Variants in EXT1 observed in about 807,000 individuals in gnomAD.
The protein encoded by EXT1 is exostosin glycosyltransferase 1, also known as exostosin-1.
Under a neutral mutation model 82.5 loss-of-function variants are expected in EXT1, and 20 were observed. The observed-to-expected ratio is 0.24, with a 90% CI of 0.17 to 0.35. The LOEUF (loss-of-function observed/expected upper bound fraction) is 0.35, where lower values mean the gene tolerates loss of function less well. Ranked by LOEUF, EXT1 falls within the 10% of genes least tolerant of loss-of-function variation. The pLI is 1.00. For missense variants in EXT1, 757 were observed against 936.5 expected, an observed-to-expected ratio of 0.81 and a Z score of 2.50; for synonymous variants, 348 against 350.8, an observed-to-expected ratio of 0.99 and a Z score of 0.09.
intron 1 of EXT1, among the ~76,000 whole-genome samples, chr8:117,885,131 C>G (rs762817904): frequency 6.6e-6 from 1 of 152,138 alleles, no homozygotes; most frequent in African/African-American, 2.4e-5. Context: ...GTACAGCCTA[C>G]CTATCAATAT....
chr8:117,877,922 A>C (rs1474156463), intron 1 of EXT1, among the ~76,000 whole-genome samples: 1 of 152,220 alleles, frequency 6.6e-6, no homozygotes, highest in Admixed American at 6.5e-5. Flanking sequence ...CCTTGGTTAT[A>C]ATAAACTGAG....
chr8:118,075,744 G>A (rs1320219337), intron 1 of EXT1, among the ~76,000 whole-genome samples: 1 of 152,118 alleles, frequency 6.6e-6, no homozygotes, highest in Non-Finnish European at 1.5e-5. Context: ...GGAAGCTTAA[G>A]TCAAGGCAGA....
chr8:117,968,767 C>T (rs1814879728), intron 1 of EXT1, among the ~76,000 whole-genome samples: 1 of 74,694 alleles, frequency 1.3e-5, no homozygotes, highest in East Asian at 2.9e-4. Context: ...GACGGGGTTT[C>T]ACCAGGTTAG....
intron 1 of EXT1, among the ~76,000 whole-genome samples, chr8:117,922,607 TAGA>T (rs917688079): frequency 1.2e-4 from 19 of 152,264 alleles, no homozygotes; most frequent in African/African-American, 3.4e-4. Flanking sequence ...TCTCTCATTA[TAGA>T]AGGAGAACAA....
At chr8:117,833,155 G>A (rs898262766) in intron 3 of EXT1, among the ~76,000 whole-genome samples, 1 of 152,150 alleles carries the variant, frequency 6.6e-6, no homozygotes, top group Non-Finnish European at 1.5e-5. Context: ...ATAGTACACA[G>A]TTGCTGCTCA....
intron 5 of EXT1, among the ~76,000 whole-genome samples, chr8:117,821,722 C>T (rs527326742): frequency 2.0e-5 from 3 of 152,176 alleles, no homozygotes; most frequent in Non-Finnish European, 2.9e-5. Flanking sequence ...GCTGTATCAG[C>T]TTGGAAGATG....
chr8:117,868,053 T>C (rs1812804976), intron 1 of EXT1, among the ~76,000 whole-genome samples: 1 of 152,218 alleles, frequency 6.6e-6, no homozygotes. Context: ...CTTAACTTTA[T>C]ATTCCAGGCT....
At chr8:117,959,976 G>C (rs1814667242) in intron 1 of EXT1, among the ~76,000 whole-genome samples, 1 of 152,202 alleles carries the variant, frequency 6.6e-6, no homozygotes, top group Non-Finnish European at 1.5e-5. Context: ...CACTTTGGGA[G>C]GCCAAGGCAG....
In EXT1 at chr8:117,928,981, T is replaced by G. The variant is rs958651270; in HGVS notation, c.963-91780A>C. On this transcript the variant is annotated intron_variant, in intron 1 of 10. Transcript: ENST00000378204. ...AAAACAGAAATAATTGAGCCCAGGT[T>G]GATTAAATAGCTTCCCAGATAGTGG... Among the ~76,000 whole-genome samples the G allele has an allele frequency of 7.2e-5, 11 of 152,178 alleles. No homozygotes were observed. In the East Asian group the frequency reaches 2.1e-3, roughly 29 times the overall value.
Position 118,028,176 on chromosome 8 carries a change from G to A in EXT1, c.962+81909C>T, listed in dbSNP as rs187983667. ...AAACCTACAACACGGGACAGATGGCGAAAGTGCCCATGCCTGGACGTCTGC... is the reference window on the plus strand; with the variant it reads ...AAACCTACAACACGGGACAGATGGCAAAAGTGCCCATGCCTGGACGTCTGC... On this transcript the variant is annotated intron_variant, in intron 1 of 10. Transcript: ENST00000378204. Among the ~76,000 whole-genome samples the A allele has an allele frequency of 2.2e-4, 34 of 152,308 alleles. No individual in the cohort carries two copies. In the East Asian group the frequency reaches 6.2e-3, roughly 28 times the overall value.
rs2130041760 is a variant in EXT1, at chr8:118,110,254, C to A, written c.793G>T (p.Val265Leu). 1 of 1,614,162 alleles carries A rather than the reference C, an allele frequency of 6.2e-7. No individual in the cohort carries two copies. The stretch of plus-strand genomic sequence containing the variant: ...GTCAGGTACCTCTTCCCCTTGAATA[C>A]CAGCATGTACTTCCTGAGAGGAGGG... ...TIPPLRKYML[V>L]FKGKRYLTGI... is the part of the protein sequence containing the mutation. Residue 265 changes from valine (V) to leucine (L), a missense_variant, in exon 1 of 11, where the codon GTA (valine) becomes TTA (leucine). Physicochemically the swap from Val to Leu is conservative, Grantham distance 32. This residue lies in a region of EXT1 where 247 missense variants were observed against 330.1 expected (regional missense o/e 0.75). Coordinates refer to ENST00000378204, the MANE Select transcript of EXT1 (RefSeq NM_000127.3).
At chr8:117,909,398 G>A (rs1426543986) in intron 1 of EXT1, among the ~76,000 whole-genome samples, 1 of 152,144 alleles carries the variant, frequency 6.6e-6, no homozygotes, top group Non-Finnish European at 1.5e-5. Context: ...GTAATAAAAG[G>A]AGAACCAACA....
At chr8:118,043,709 A>G (rs923281356) in intron 1 of EXT1, among the ~76,000 whole-genome samples, 3 of 152,250 alleles carry the variant, frequency 2.0e-5, no homozygotes, top group Non-Finnish European at 2.9e-5. Context: ...TTCTGCAGTC[A>G]TAACACCTCA....
At chr8:117,808,312 T>C (rs1014773554) in intron 8 of EXT1, among the ~76,000 whole-genome samples, 1 of 152,212 alleles carries the variant, frequency 6.6e-6, no homozygotes, top group Non-Finnish European at 1.5e-5. Flanking sequence ...TAGGTGCTTA[T>C]CCATTTTAAC....
Position 118,111,189 on chromosome 8 carries a change from C to G in EXT1, c.-143G>C, listed in dbSNP as rs996704701. ...CTCCCACCTTCTCTGGATGCCTTTC[C>G]CCAAGCCGTGGACTGATCCAGCGCA... On this transcript the variant is annotated 5_prime_UTR_variant, in exon 1 of 11. Transcript: ENST00000378204. 1.3e-5 allele frequency: 16 copies of G among 1,219,794 alleles called. No individual in the cohort carries two copies. Among genetic ancestry groups the G allele is most frequent in the South Asian group, 6.5e-5 (5 of 77,012 alleles). 75.6% of individuals were successfully genotyped at this position (1,219,794 alleles called of 1,614,324 possible). A position where few individuals can be genotyped will look rare whatever the true frequency, so the allele number is the denominator to read the frequency against.
intron 1 of EXT1, among the ~76,000 whole-genome samples, chr8:118,006,800 T>A (rs1375935314): frequency 6.6e-6 from 1 of 152,074 alleles, no homozygotes; most frequent in Non-Finnish European, 1.5e-5. Flanking sequence ...CTACAACAGG[T>A]TGTAAGAGTG....
intron 1 of EXT1, among the ~76,000 whole-genome samples, chr8:117,889,101 T>C (rs1350974633): frequency 6.6e-6 from 1 of 152,170 alleles, no homozygotes; most frequent in East Asian, 1.9e-4. Flanking sequence ...TGGAATGCAG[T>C]TGTGATAGCT....
chr8:117,997,594 C>T (rs1815573822), intron 1 of EXT1, among the ~76,000 whole-genome samples: 1 of 151,926 alleles, frequency 6.6e-6, no homozygotes. Flanking sequence ...GTGGTTAAAG[C>T]CACTAACTCA....
chr8:117,809,331 C>T (rs1823285585), intron 8 of EXT1, among the ~76,000 whole-genome samples: 1 of 148,970 alleles, frequency 6.7e-6, no homozygotes, highest in African/African-American at 2.5e-5. Context: ...TGGCTTGTTC[C>T]CCAAAACTAT....
Sources: gnomAD v4.1 joint callset for allele counts (sites outside exome capture counted in the v4.1 genomes callset) on GRCh38, gnomAD v4.1.1 for gene constraint, gnomAD v4.1.1 regional missense constraint, MANE v1.5 for transcripts, NCBI Gene and HGNC (gene_info 2026-07-23, HGNC 2026-07-21) for gene names.